The following CCDC15 variants were observed in gnomAD, a reference collection of about 807,000 sequenced individuals.
CCDC15 encodes coiled-coil domain-containing protein 15.
In CCDC15, 105 loss-of-function variants were observed where a neutral mutation model predicts 114.5. The observed-to-expected ratio is 0.92, with a 90% CI of 0.78 to 1.08. CCDC15 has a LOEUF of 1.08. Ranked by LOEUF, CCDC15 falls within the 50% of genes least tolerant of loss-of-function variation. CCDC15 has a pLI of 0.00. For missense variants in CCDC15, 1,105 were observed against 1,093.6 expected (o/e 1.01, Z -0.15); for synonymous variants, 334 against 377.8 (o/e 0.88, Z 1.34).
intron 11 of CCDC15, among the ~76,000 whole-genome samples, chr11:124,997,332 C>T (rs1345820841): frequency 2.0e-5 from 3 of 152,154 alleles, no homozygotes; most frequent in Non-Finnish European, 4.4e-5. Flanking sequence ...ACTCAGTTGC[C>T]CAGGCTGGAT....
intron 13 of CCDC15, among the ~76,000 whole-genome samples, chr11:125,018,464 G>A (rs775846316): frequency 9.9e-5 from 15 of 151,920 alleles, no homozygotes; most frequent in Admixed American, 3.9e-4. Flanking sequence ...ATTGGGTAAA[G>A]CATGACTGGA....
intron 11 of CCDC15, among the ~76,000 whole-genome samples, chr11:124,999,043 C>T (rs1357128384): frequency 2.6e-5 from 4 of 152,020 alleles, no homozygotes; most frequent in Non-Finnish European, 5.9e-5. Context: ...GGCCGAGAGT[C>T]TCTACTTATT....
intron 4 of CCDC15, among the ~76,000 whole-genome samples, chr11:124,966,541 C>T (rs549775911): frequency 3.2e-4 from 48 of 152,148 alleles, no homozygotes; most frequent in African/African-American, 1.1e-3. Flanking sequence ...TGTGCCTCTG[C>T]ACGTGTGATG....
At chr11:124,963,853 C>T (rs1239147147) in intron 4 of CCDC15, among the ~76,000 whole-genome samples, 10 of 152,184 alleles carry the variant, frequency 6.6e-5, no homozygotes, top group Non-Finnish European at 7.4e-5. Context: ...TTTCAGCTTT[C>T]TACATATGGC....
intron 13 of CCDC15, among the ~76,000 whole-genome samples, chr11:125,009,182 G>A (rs1458668851): frequency 6.6e-6 from 1 of 151,024 alleles, no homozygotes; most frequent in Non-Finnish European, 1.5e-5. Flanking sequence ...AGCCGAGATC[G>A]TGCCATTGCA....
At chr11:124,982,519 AATATCTTATTTCTTC>A (rs1050836224) in intron 6 of CCDC15, among the ~76,000 whole-genome samples, 15 of 152,244 alleles carry the variant, frequency 9.9e-5, no homozygotes, top group African/African-American at 3.1e-4. Flanking sequence ...TTGTCTGAAA[AATATCTTATTTCTTC>A]TTCACTTATG....
intron 11 of CCDC15, among the ~76,000 whole-genome samples, chr11:125,000,556 G>A (rs762371529): frequency 6.6e-6 from 1 of 152,138 alleles, no homozygotes; most frequent in Non-Finnish European, 1.5e-5. Context: ...AGTGTGCTTC[G>A]TCATTAGTAC....
intron 13 of CCDC15, among the ~76,000 whole-genome samples, chr11:125,035,036 A>G (rs1385991450): frequency 6.6e-6 from 1 of 152,208 alleles, no homozygotes; most frequent in Non-Finnish European, 1.5e-5. Flanking sequence ...TGAGTCCCAA[A>G]GCTGAAGAAC....
chr11:124,988,055 C>G lies in CCDC15; in HGVS notation c.1829C>G (p.Pro610Arg). The G allele has an allele frequency of 3.1e-6, 5 of 1,613,956 alleles. No homozygotes were observed. In the South Asian group the frequency reaches 5.5e-5, roughly 18 times the overall value. Residue 610 changes from proline (P) to arginine (R), a missense_variant, in exon 8 of 16, where the codon CCC becomes CGC. By Grantham distance (103) the Pro-to-Arg change is moderately radical (BLOSUM62 -2). Transcript: ENST00000344762. ...LPICQDRDFL[P>R]RDLHVLSNDQ... ...ATATGTCAGGACCGGGATTTTCTAC[C>G]CAGAGACCTGCATGTTCTCTCCAAC...
chr11:124,965,752 T>C (rs536860201), intron 4 of CCDC15, among the ~76,000 whole-genome samples: 1 of 152,356 alleles, frequency 6.6e-6, no homozygotes, highest in Admixed American at 6.5e-5. Flanking sequence ...ATTTTAGATC[T>C]TTCCTGCTTT....
intron 2 of CCDC15, among the ~76,000 whole-genome samples, chr11:124,957,368 A>G: frequency 6.6e-6 from 1 of 152,232 alleles, no homozygotes; most frequent in Admixed American, 6.5e-5. Flanking sequence ...TAGGATGACT[A>G]GAATGTCTGG....
chr11:124,959,927 C>G lies in CCDC15; in HGVS notation c.440C>G (p.Pro147Arg), dbSNP rs776631244. The G allele has an allele frequency of 6.3e-5, 100 of 1,586,568 alleles. 2 individuals carry two copies. The South Asian group carries it at 1.1e-3, about 18-fold the overall frequency. Residue 147 changes from proline to arginine, a missense_variant, in exon 4 of 16, where the codon CCT becomes CGT. Coordinates refer to ENST00000344762, the MANE Select transcript of CCDC15 (RefSeq NM_025004.3). ...GTTGCTATTGGAAGTTCTAGGTTACCTCCTTCCCTGATGCCTGGGGATGGA... is the reference window on the plus strand; with the variant it reads ...GTTGCTATTGGAAGTTCTAGGTTACGTCCTTCCCTGATGCCTGGGGATGGA... ...LNVAIGSSRL[P>R]PSLMPGDGIE...
chr11:124,998,783 G>A (rs1591600575), intron 11 of CCDC15, among the ~76,000 whole-genome samples: 1 of 149,146 alleles, frequency 6.7e-6, no homozygotes, highest in East Asian at 2.0e-4. Context: ...TGTCGCCTAG[G>A]CAGGAGTGCA....
intron 13 of CCDC15, among the ~76,000 whole-genome samples, chr11:125,035,101 C>A (rs1742283235): frequency 6.6e-6 from 1 of 152,120 alleles, no homozygotes; most frequent in South Asian, 2.1e-4. Flanking sequence ...AAGATGTAGG[C>A]TGGGAGGCTA....
chr11:125,029,280 GTAT>G (rs1388277914), intron 13 of CCDC15, among the ~76,000 whole-genome samples: 1 of 152,180 alleles, frequency 6.6e-6, no homozygotes, highest in African/African-American at 2.4e-5. Flanking sequence ...TTGACACTCC[GTAT>G]TAACCATCAC....
intron 13 of CCDC15, among the ~76,000 whole-genome samples, chr11:125,029,014 C>G (rs1017876382): frequency 6.6e-6 from 1 of 152,246 alleles, no homozygotes; most frequent in African/African-American, 2.4e-5. Context: ...ACGAAAGAAC[C>G]TGAAGTCTGA....
rs1948269889 is a variant in CCDC15 at position 124,991,579 on chromosome 11, A to G, written c.2027A>G (p.Asn676Ser). 6.2e-7 allele frequency: 1 copy of G among 1,603,374 alleles called. No individual in the cohort carries two copies. The highest frequency in any genetic ancestry group is 1.3e-5 in the African/African-American group (1 of 74,652). ...PKSQDQDDIK[N>S]QQPASFMREE... ...TCCCAGGACCAGGATGACATCAAAAATCAGGTAGAGTAGAAGAAAAAGATA... is the reference window on the plus strand; with the variant it reads ...TCCCAGGACCAGGATGACATCAAAAGTCAGGTAGAGTAGAAGAAAAAGATA... The change falls in exon 9 of 16, where the codon AAT becomes AGT. Residue 676 changes from asparagine to serine, a missense_variant. By Grantham distance (46) the Asn-to-Ser change is conservative (BLOSUM62 1). Coordinates refer to ENST00000344762, the MANE Select transcript of CCDC15 (RefSeq NM_025004.3).
intron 8 of CCDC15, 89 bp from the exon 9 acceptor site, chr11:124,991,372 C>A: frequency 2.4e-6 from 2 of 834,870 alleles, no homozygotes; most frequent in South Asian, 3.1e-5. Flanking sequence ...AAAAAACTAC[C>A]CTTTGGCCTT....
intron 13 of CCDC15, among the ~76,000 whole-genome samples, chr11:125,037,145 T>TA (rs1948780818): frequency 2.0e-5 from 3 of 152,230 alleles, no homozygotes; most frequent in Admixed American, 2.0e-4. Context: ...GTCTTTACAT[T>TA]ATTGAACCTG....
Sources: allele counts gnomAD v4.1 joint callset (sites outside exome capture counted in the v4.1 genomes callset), GRCh38; gene constraint gnomAD v4.1.1; transcripts MANE v1.5; gene names NCBI Gene and HGNC (gene_info 2026-07-23, HGNC 2026-07-21).